RAF1: variants seen among roughly 807,000 people sequenced by gnomAD.
RAF1 encodes RAF proto-oncogene serine/threonine-protein kinase.
A neutral mutation model predicts 81.1 loss-of-function variants in RAF1; 27 were observed. The observed-to-expected ratio is 0.33, with a 90% CI of 0.25 to 0.46. The LOEUF is 0.46. Ranked by LOEUF, RAF1 falls within the 20% of genes least tolerant of loss-of-function variation. The pLI is 1.00. For synonymous variants in RAF1, 298 were observed against 294.0 expected (o/e 1.01, Z -0.14); for missense variants, 598 against 826.0 (o/e 0.72, Z 3.38).
At chr3:12,600,316 A>G in intron 9 of RAF1, 37 bp from the exon 9 acceptor site, 1 of 1,614,188 alleles carries the variant, frequency 6.2e-7, no homozygotes, top group South Asian at 1.1e-5. Flanking sequence ...ACACAAGGAT[A>G]AGCCAACAGA....
rs2125323183 is a variant in RAF1, at chr3:12,585,253, C to G, written c.1597G>C (p.Ala533Pro). 1.9e-6 allele frequency: 3 copies of G among 1,614,048 alleles called. No individual in the cohort carries two copies. Among genetic ancestry groups the G allele is most frequent in the Non-Finnish European group, 2.5e-6 (3 of 1,180,024 alleles). ...TCCTGCATTCGGATCACCTCTGGGG[C>G]CTACATGTATCACCATATGACAAAA... Residue 533 changes from alanine (A) to proline (P), a missense_variant and splice_region_variant, in exon 16 of 18, where the codon GCC becomes CCC. Ala to Pro is a conservative substitution (Grantham distance 27, BLOSUM62 -1). Transcript: ENST00000442415.
rs754344039 is a variant in RAF1 at position 12,590,990 on chromosome 3, G to A, written c.1254-16C>T. Reference sequence around the variant, plus strand: ...CCGTGTTTTGCTGGGGAGGGGAGGGGAAGAGAGGAGAGGGAGGAGGAAAGT... The same window carrying A: ...CCGTGTTTTGCTGGGGAGGGGAGGGAAAGAGAGGAGAGGGAGGAGGAAAGT... On this transcript the variant is annotated splice_polypyrimidine_tract_variant and intron_variant, in intron 12 of 17. Coordinates refer to ENST00000442415, the MANE Select transcript of RAF1 (RefSeq NM_001354689.3). The A allele has an allele frequency of 3.8e-6, 6 of 1,595,628 alleles. No homozygotes were observed. In the African/African-American group the frequency reaches 8.0e-5, roughly 21 times the overall value.
intron 5 of RAF1, chr3:12,608,529 T>C (rs865900973): frequency 3.4e-4 from 192 of 559,380 alleles, no homozygotes; most frequent in Admixed American, 5.5e-4. Flanking sequence ...AGTCACAGTA[T>C]GTCAATCTCA....
At chr3:12,637,590 G>A (rs1462766233) in intron 1 of RAF1, among the ~76,000 whole-genome samples, 11 of 152,036 alleles carry the variant, frequency 7.2e-5, no homozygotes, top group African/African-American at 2.7e-4. Flanking sequence ...CACAAATGGA[G>A]GCCGGGCACA....
chr3:12,660,202 A>G (rs2060831253), intron 1 of RAF1, among the ~76,000 whole-genome samples: 1 of 152,086 alleles, frequency 6.6e-6, no homozygotes, highest in South Asian at 2.1e-4. Context: ...CATCTTTTAG[A>G]TACTTTTTGT....
rs2060965798 is a variant in RAF1, at chr3:12,663,887, G to C, written c.-101C>G. On this transcript the variant is annotated 5_prime_UTR_variant, in exon 1 of 18. Coordinates refer to ENST00000442415, the MANE Select transcript of RAF1 (RefSeq NM_001354689.3). Reference sequence around the variant, plus strand: ...CGCCCGCTCCTCCTCCCCGCGGCGGGTGAGGGAGCGGGAGGCGGTCACATT... The same window carrying C: ...CGCCCGCTCCTCCTCCCCGCGGCGGCTGAGGGAGCGGGAGGCGGTCACATT... 2.5e-6 allele frequency: 1 copy of C among 398,020 alleles called. No homozygotes were observed. Among genetic ancestry groups the C allele is most frequent in the Non-Finnish European group, 4.4e-6 (1 of 225,726 alleles). The allele number at this position is 398,020 out of a possible 1,614,324, so 24.7% of individuals were successfully genotyped here.
At chr3:12,640,073 CA>C (rs1361711589) in intron 1 of RAF1, among the ~76,000 whole-genome samples, 1 of 152,166 alleles carries the variant, frequency 6.6e-6, no homozygotes, top group Non-Finnish European at 1.5e-5. Flanking sequence ...CACACATCTA[CA>C]ACTATCTGAT....
intron 1 of RAF1, among the ~76,000 whole-genome samples, chr3:12,652,584 G>A (rs1559489861): frequency 1.3e-5 from 2 of 152,000 alleles, no homozygotes; most frequent in East Asian, 1.9e-4. Flanking sequence ...CATTTGCACA[G>A]ACACACATTC....
intron 9 of RAF1, 39 bp from the exon 9 acceptor site, chr3:12,600,318 G>T (rs1429592891): frequency 6.2e-7 from 1 of 1,613,974 alleles, no homozygotes; most frequent in East Asian, 2.2e-5. Context: ...ACAAGGATAA[G>T]CCAACAGAAG....
intron 1 of RAF1, among the ~76,000 whole-genome samples, chr3:12,660,954 C>T (rs1350434943): frequency 1.3e-5 from 2 of 152,154 alleles, no homozygotes; most frequent in African/African-American, 4.8e-5. Context: ...AAAAACACCA[C>T]ATATCTTTAA....
At chr3:12,630,556 A>C (rs1432395592) in intron 1 of RAF1, among the ~76,000 whole-genome samples, 1 of 152,194 alleles carries the variant, frequency 6.6e-6, no homozygotes, top group Non-Finnish European at 1.5e-5. Flanking sequence ...GAGACCTGGA[A>C]ATCAGTGAGT....
chr3:12,603,346 A>G, intron 8 of RAF1: 1 of 544,900 alleles, frequency 1.8e-6, no homozygotes, highest in Non-Finnish European at 3.3e-6. Flanking sequence ...AAAGAAAAAG[A>G]AAACATGGAA....
chr3:12,635,634 C>A (rs2059999087), intron 1 of RAF1, among the ~76,000 whole-genome samples: 1 of 61,782 alleles, frequency 1.6e-5, no homozygotes, highest in Non-Finnish European at 2.8e-5. Flanking sequence ...GAAACTCCAG[C>A]TCCAAAAAAA....
chr3:12,620,567 C>T (rs1054076142), intron 1 of RAF1, among the ~76,000 whole-genome samples: 4 of 152,070 alleles, frequency 2.6e-5, no homozygotes, highest in African/African-American at 9.7e-5. Context: ...ATTTTCCAGG[C>T]TCAAATGATT....
At chr3:12,626,045 C>A (rs1316602982) in intron 1 of RAF1, among the ~76,000 whole-genome samples, 2 of 151,278 alleles carry the variant, frequency 1.3e-5, no homozygotes, top group African/African-American at 4.9e-5. Context: ...ACAGGCAGAT[C>A]ACCTGAGGTC....
rs2125377820 is a variant in RAF1, at chr3:12,599,739, G to A, written c.1120C>T (p.Arg374Trp). 4 of 1,613,954 alleles carry A rather than the reference G, an allele frequency of 2.5e-6. No homozygotes were observed. The highest frequency in any genetic ancestry group is 2.2e-5 in the East Asian group (1 of 44,868). Reference sequence around the variant, plus strand: ...GTTCCAAAAGAGCCTGACCCAATCCGAGTGGACAGCATCACTTCACTGGCT... The same window carrying A: ...GTTCCAAAAGAGCCTGACCCAATCCAAGTGGACAGCATCACTTCACTGGCT... The change falls in exon 11 of 18, where the codon CGG becomes TGG. Residue 374 changes from arginine to tryptophan, a missense_variant. Physicochemically the swap from Arg to Trp is moderately radical, Grantham distance 101 (BLOSUM62 -3). This residue lies in a region of RAF1 where 85 missense variants were observed against 185.6 expected (regional missense o/e 0.46). Coordinates refer to ENST00000442415, the MANE Select transcript of RAF1 (RefSeq NM_001354689.3).
intron 1 of RAF1, among the ~76,000 whole-genome samples, chr3:12,628,759 G>C (rs914708602): frequency 2.9e-5 from 4 of 138,506 alleles, no homozygotes; most frequent in Non-Finnish European, 4.7e-5. Context: ...TTTGGGGGGG[G>C]GGGGTGGCGG....
chr3:12,613,866 TGA>T (rs1427455570), intron 2 of RAF1, among the ~76,000 whole-genome samples: 1 of 152,156 alleles, frequency 6.6e-6, no homozygotes, highest in African/African-American at 2.4e-5. Flanking sequence ...GACTCCACAT[TGA>T]GAGTACAGTA....
intron 1 of RAF1, among the ~76,000 whole-genome samples, chr3:12,631,722 A>G (rs2059867229): frequency 6.6e-6 from 1 of 152,218 alleles, no homozygotes; most frequent in Non-Finnish European, 1.5e-5. Context: ...CCACCACAGG[A>G]GATGAGAGAG....
Sources: gnomAD v4.1 joint callset for allele counts (sites outside exome capture counted in the v4.1 genomes callset) on GRCh38, gnomAD v4.1.1 for gene constraint, gnomAD v4.1.1 regional missense constraint, MANE v1.5 for transcripts, NCBI Gene and HGNC (gene_info 2026-07-23, HGNC 2026-07-21) for gene names.